The following CCDC150 variants were observed in gnomAD, a reference collection of about 807,000 sequenced individuals.
CCDC150 encodes the protein coiled-coil domain-containing protein 150.
Under a neutral mutation model 156.5 loss-of-function variants are expected in CCDC150, and 151 were observed. That is an observed-to-expected ratio of 0.97 (90% CI 0.85 to 1.10). The LOEUF (loss-of-function observed/expected upper bound fraction) is 1.10, where lower values mean the gene tolerates loss of function less well. Among genes scored for constraint, CCDC150 ranks in the 50% least tolerant of loss-of-function variants. CCDC150 has a pLI of 0.00. For synonymous variants in CCDC150, 452 were observed against 429.4 expected (o/e 1.05, Z -0.65); for missense variants, 1,312 against 1,268.1 (o/e 1.03, Z -0.53).
chr2:196,664,477 T>C (rs1419615502), intron 5 of CCDC150, among the ~76,000 whole-genome samples: 1 of 152,196 alleles, frequency 6.6e-6, no homozygotes, highest in Non-Finnish European at 1.5e-5. Context: ...ATGGAAGCGA[T>C]GCATAGAGCA....
chr2:196,649,317 C>T (rs948024555), intron 2 of CCDC150, among the ~76,000 whole-genome samples: 2 of 152,120 alleles, frequency 1.3e-5, no homozygotes, highest in Non-Finnish European at 2.9e-5. Context: ...ACATTTCAGT[C>T]AGTGACAGAG....
In CCDC150 at chr2:196,666,766, G is replaced by C. The variant is rs752578884; in HGVS notation, c.810G>C (p.Gln270His). 3.1e-6 allele frequency: 5 copies of C among 1,612,722 alleles called. No homozygotes were observed. In the South Asian group the frequency reaches 3.3e-5, roughly 11 times the overall value. ...GCATTGCTCTACGTGATTCTATACA[G>C]AGCGCTCAAGAACTACTGGCCCAGG... ...QNCIALRDSI[Q>H]SAQELLAQEQ... is the part of the protein sequence containing the mutation. Residue 270 changes from glutamine (Q) to histidine (H), a missense_variant, in exon 7 of 28, where the codon CAG (glutamine) becomes CAC (histidine). By Grantham distance (24) the Gln-to-His change is conservative (BLOSUM62 0). Coordinates refer to ENST00000389175, the MANE Select transcript of CCDC150 (RefSeq NM_001080539.2).
chr2:196,676,401 A>G (rs921636642), intron 11 of CCDC150, 134 bp downstream of exon 11: 65 of 1,341,010 alleles, frequency 4.8e-5, no homozygotes, highest in South Asian at 1.1e-4. Context: ...CAGAGCTAAA[A>G]TAAAGACTCT....
chr2:196,721,576 G>T lies in CCDC150; in HGVS notation c.2314G>T (p.Ala772Ser). ...AGCTAGAGAAGACAACAGGAAACTT[G>T]CTATGAGTCTGGAACAAGCTCTCCA... ...GVAREDNRKL[A>S]MSLEQALQTN... The change falls in exon 21 of 28, where the codon GCT becomes TCT. Residue 772 changes from alanine (A) to serine (S), a missense_variant. Ala to Ser is a moderately conservative substitution (Grantham distance 99, BLOSUM62 1). Transcript: ENST00000389175. 1 of 1,608,520 alleles carries T rather than the reference G, an allele frequency of 6.2e-7. No individual in the cohort carries two copies. The highest frequency in any genetic ancestry group is 1.1e-5 in the South Asian group (1 of 89,406).
chr2:196,721,353 C>CATATATATATATATATATAT lies in CCDC150; in HGVS notation c.2260-153_2260-152insATATATATATATATATATAT, dbSNP rs1199770615. ...GAGTTCTCATTCATATATGTGTGTG[C>CATATATATATATATATATAT]ATATATATATATATATTTTCCAGGC... On this transcript the variant is annotated intron_variant, in intron 20 of 27. Transcript: ENST00000389175. 3.5e-4 allele frequency among the ~76,000 whole-genome samples: 47 copies of CATATATATATATATATATAT among 133,166 alleles called. 12 individuals carry two copies. In the East Asian group the frequency reaches 0.011, roughly 30 times the overall value. 87.4% of individuals were successfully genotyped at this position (133,166 alleles called of 152,430 possible). A position where few individuals can be genotyped will look rare whatever the true frequency, so the allele number is the denominator to read the frequency against.
chr2:196,661,986 A>T (rs1693589153), intron 5 of CCDC150, among the ~76,000 whole-genome samples: 1 of 152,230 alleles, frequency 6.6e-6, no homozygotes, highest in African/African-American at 2.4e-5. Context: ...ATTTGACAGT[A>T]ATGCAACTAA....
At chr2:196,682,401 CT>C (rs67136449) in intron 13 of CCDC150, among the ~76,000 whole-genome samples, 12,060 of 148,792 alleles carry the variant, frequency 0.081, 1,529 homozygotes, top group African/African-American at 0.27. Context: ...AATCTTCCAA[CT>C]TTTTTTTTTG....
intron 5 of CCDC150, among the ~76,000 whole-genome samples, chr2:196,663,009 A>G (rs1446722840): frequency 2.0e-5 from 3 of 152,080 alleles, no homozygotes; most frequent in Non-Finnish European, 2.9e-5. Context: ...AGGCTGAGGC[A>G]GGAGGATTGC....
intron 13 of CCDC150, among the ~76,000 whole-genome samples, chr2:196,679,891 A>G (rs1196638000): frequency 6.6e-6 from 1 of 152,118 alleles, no homozygotes; most frequent in Non-Finnish European, 1.5e-5. Context: ...TCATGCACTT[A>G]TTTGCCATTA....
chr2:196,694,628 C>T (rs115036631), intron 13 of CCDC150, among the ~76,000 whole-genome samples: 1 of 152,020 alleles, frequency 6.6e-6, no homozygotes, highest in Non-Finnish European at 1.5e-5. Flanking sequence ...CTTTGTGGGG[C>T]TGAGGCGGGC....
chr2:196,694,965 T>G (rs965306823), intron 13 of CCDC150, 81 bp from the exon 14 acceptor site: 30 of 722,008 alleles, frequency 4.2e-5, no homozygotes, highest in Non-Finnish European at 6.3e-5. Context: ...ATTTTACAGT[T>G]GTAATTGTCA....
chr2:196,694,428 G>T (rs147978057), intron 13 of CCDC150, among the ~76,000 whole-genome samples: 2 of 152,222 alleles, frequency 1.3e-5, no homozygotes, highest in East Asian at 3.9e-4. Context: ...TTAACTTATA[G>T]TAAAGGGGAA....
chr2:196,668,210 T>A (rs1693967183), intron 7 of CCDC150, among the ~76,000 whole-genome samples: 1 of 145,458 alleles, frequency 6.9e-6, no homozygotes, highest in South Asian at 2.1e-4. Context: ...AAACAGAGAA[T>A]CGCTTGAACC....
intron 19 of CCDC150, 25 bp downstream of exon 19, chr2:196,719,691 C>T (rs1374184621): frequency 6.4e-7 from 1 of 1,572,560 alleles, no homozygotes; most frequent in African/African-American, 1.4e-5. Flanking sequence ...TTTTCCCTGT[C>T]ATTGGTATTG....
At chr2:196,648,986 C>A (rs1692713321) in intron 2 of CCDC150, among the ~76,000 whole-genome samples, 1 of 152,156 alleles carries the variant, frequency 6.6e-6, no homozygotes, top group Admixed American at 6.5e-5. Context: ...TATTCTATTT[C>A]ATTGGACAAT....
chr2:196,694,765 G>GGC (rs1695713660), intron 13 of CCDC150, among the ~76,000 whole-genome samples: 2 of 152,156 alleles, frequency 1.3e-5, no homozygotes, highest in Admixed American at 6.5e-5. Flanking sequence ...AGGAGGCTGA[G>GGC]GCAGGAGAAT....
In CCDC150 at chr2:196,658,840, A is replaced by G; in HGVS notation, c.625A>G (p.Met209Val). 3.1e-6 allele frequency: 5 copies of G among 1,605,006 alleles called. No homozygotes were observed. In the South Asian group the frequency reaches 5.6e-5, roughly 18 times the overall value. The change falls in exon 5 of 28, where the codon ATG (methionine) becomes GTG (valine). Residue 209 changes from methionine to valine, a missense_variant. Met to Val is a conservative substitution (Grantham distance 21). Transcript: ENST00000389175. ...GGAACTGAAGACCACAAAACGTAAA[A>G]TGAACCTTAAAATTCAAGAGGTAAG... ...EEELKTTKRK[M>V]NLKIQELRRQ...
intron 13 of CCDC150, among the ~76,000 whole-genome samples, chr2:196,681,464 C>T (rs966645000): frequency 6.6e-6 from 1 of 152,086 alleles, no homozygotes. Context: ...ATTTCAGTAC[C>T]TCTTTTCAAT....
Position 196,732,514 on chromosome 2 carries a change from T to C in CCDC150, c.3258T>C (p.Asn1086=). Residue 1086 remains asparagine (N), a synonymous_variant, in exon 28 of 28, where the codon AAT becomes AAC. Coordinates refer to ENST00000389175, the MANE Select transcript of CCDC150 (RefSeq NM_001080539.2). ...TGCATCGATGGGAGAGAAAACAGAA[T>C]CTTAGGCCCATGCCCAAGAAGTATC... ...SVLHRWERKQ[N]LRPMPKKYHS... 1 of 1,613,784 alleles carries C rather than the reference T, an allele frequency of 6.2e-7. No homozygotes were observed.
Sources: gnomAD v4.1 joint callset for allele counts (sites outside exome capture counted in the v4.1 genomes callset) on GRCh38, gnomAD v4.1.1 for gene constraint, MANE v1.5 for transcripts, NCBI Gene and HGNC (gene_info 2026-07-23, HGNC 2026-07-21) for gene names.